The following PPM1A variants were observed in gnomAD, a reference collection of about 807,000 sequenced individuals.
PPM1A encodes protein phosphatase, Mg2+/Mn2+ dependent 1A.
Under a neutral mutation model 35.0 loss-of-function variants are expected in PPM1A, and 7 were observed. That is an observed-to-expected ratio of 0.20 (90% CI 0.11 to 0.38). The LOEUF is 0.38. Ranked by LOEUF, PPM1A falls within the 10% of genes least tolerant of loss-of-function variation. The pLI, the probability that PPM1A is intolerant of heterozygous loss-of-function variation, is 1.00. For synonymous variants in PPM1A, 153 were observed against 167.3 expected, an observed-to-expected ratio of 0.91 and a Z score of 0.66; for missense variants, 239 against 467.8, an observed-to-expected ratio of 0.51 and a Z score of 4.51.
chr14:60,288,218 T>A, intron 3 of PPM1A: 1 of 977,352 alleles, frequency 1.0e-6, no homozygotes. Flanking sequence ...CCTGTAATTT[T>A]CTTCACAGTT....
chr14:60,255,211 G>A (rs1412738547), intron 1 of PPM1A, among the ~76,000 whole-genome samples: 7 of 131,548 alleles, frequency 5.3e-5, no homozygotes, highest in Admixed American at 4.0e-4. Context: ...TCGCTCTGTC[G>A]CCCAGGCTGG....
Position 60,293,487 on chromosome 14 carries a change from T to A in PPM1A, c.*1005T>A, listed in dbSNP as rs192420039. ...ACAACACTGTCACTCAAGGCATAGA[T>A]GAAACTTTCCTTCCATTAGAAAGAC... On this transcript the variant is annotated 3_prime_UTR_variant, in exon 6 of 6. Transcript: ENST00000395076. The surrounding 1 kb of genome is among the most constrained non-coding windows in gnomAD (Gnocchi z 4.0). 23 of 152,172 alleles carry A rather than the reference T, an allele frequency of 1.5e-4. No individual in the cohort carries two copies. Among genetic ancestry groups the A allele is most frequent in the Middle Eastern group, 3.4e-3 (1 of 294 alleles). 9.4% of individuals were successfully genotyped at this position (152,172 alleles called of 1,614,324 possible). A position where few individuals can be genotyped will look rare whatever the true frequency, so the allele number is the denominator to read the frequency against.
intron 1 of PPM1A, chr14:60,256,917 A>G (rs1883202181): frequency 1.3e-5 from 2 of 152,190 alleles, no homozygotes; most frequent in South Asian, 2.1e-4. Flanking sequence ...CATGAAGGGT[A>G]TGACTGTTGT....
chr14:60,275,026 G>C (rs1374648648), intron 1 of PPM1A, among the ~76,000 whole-genome samples: 1 of 148,438 alleles, frequency 6.7e-6, no homozygotes, highest in Non-Finnish European at 1.5e-5. Context: ...TTCAGTCCCA[G>C]ACAAAAAAGA....
chr14:60,292,023 C>G lies in PPM1A; in HGVS notation c.1120-430C>G, dbSNP rs773004457. 2.0e-5 allele frequency among the ~76,000 whole-genome samples: 3 copies of G among 152,082 alleles called. No homozygotes were observed. The highest frequency in any genetic ancestry group is 2.9e-5 in the Non-Finnish European group (2 of 68,004). The stretch of plus-strand genomic sequence containing the variant: ...TATGATGTTTATAGAAAAGTGATAA[C>G]TTAAAGATCATGTGGGCACAGCTCT... On this transcript the variant is annotated intron_variant, in intron 5 of 5. Coordinates refer to ENST00000395076, the MANE Select transcript of PPM1A (RefSeq NM_021003.5). This position sits in a 1 kb window ranked among gnomAD's most constrained non-coding sequence, Gnocchi z 4.2.
chr14:60,262,709 C>A (rs1385018172), intron 1 of PPM1A, among the ~76,000 whole-genome samples: 1 of 151,896 alleles, frequency 6.6e-6, no homozygotes, highest in South Asian at 2.1e-4. Context: ...ACAAAAAAAC[C>A]CTTCTACCTC....
chr14:60,283,117 T>C lies in PPM1A; in HGVS notation c.414T>C (p.His138=), dbSNP rs1485964099. 13 of 1,614,106 alleles carry C rather than the reference T, an allele frequency of 8.1e-6. No homozygotes were observed. Among genetic ancestry groups the C allele is most frequent in the Non-Finnish European group, 1.1e-5 (13 of 1,180,032 alleles). The stretch of plus-strand genomic sequence containing the variant: ...TAGGTGTCTTAATTTCTCCCCAACA[T>C]ACTTATTTCATTAACTGTGGAGACT... ...TAVGVLISPQ[H]TYFINCGDSR... The change falls in exon 2 of 6, where the codon CAT becomes CAC. Residue 138 remains histidine (H), a synonymous_variant. Coordinates refer to ENST00000395076, the MANE Select transcript of PPM1A (RefSeq NM_021003.5). This position sits in a 1 kb window ranked among gnomAD's most constrained non-coding sequence, Gnocchi z 6.3.
At chr14:60,291,925 T>TA (rs1887676324) in intron 5 of PPM1A, among the ~76,000 whole-genome samples, 1 of 152,048 alleles carries the variant, frequency 6.6e-6, no homozygotes, top group Non-Finnish European at 1.5e-5. Context: ...ACTTAAATAT[T>TA]AGAGAATTGT....
At chr14:60,276,020 A>G (rs966012187) in intron 1 of PPM1A, among the ~76,000 whole-genome samples, 7 of 152,248 alleles carry the variant, frequency 4.6e-5, no homozygotes, top group African/African-American at 1.4e-4. Context: ...CTTTATAGAG[A>G]TGTAGCTGCA....
chr14:60,262,814 A>T (rs1883907083), intron 1 of PPM1A, among the ~76,000 whole-genome samples: 1 of 152,248 alleles, frequency 6.6e-6, no homozygotes, highest in African/African-American at 2.4e-5. Flanking sequence ...AACAAGACTA[A>T]GCTGTGCTGC....
chr14:60,265,520 A>G (rs1220238040), intron 1 of PPM1A, among the ~76,000 whole-genome samples: 1 of 152,226 alleles, frequency 6.6e-6, no homozygotes, highest in Non-Finnish European at 1.5e-5. Flanking sequence ...TTGTTTGTAT[A>G]GTTAATAAAT....
At chr14:60,255,726 A>T (rs1032803902) in intron 1 of PPM1A, among the ~76,000 whole-genome samples, 2 of 152,102 alleles carry the variant, frequency 1.3e-5, no homozygotes, top group Non-Finnish European at 2.9e-5. Context: ...CCTGAATGTT[A>T]TTTTTTCTGA....
chr14:60,272,328 A>G (rs1253093164), intron 1 of PPM1A, among the ~76,000 whole-genome samples: 1 of 151,070 alleles, frequency 6.6e-6, no homozygotes, highest in Non-Finnish European at 1.5e-5. Flanking sequence ...AGTTTTTTAT[A>G]AAGATGGTAT....
In PPM1A at chr14:60,284,024, G is replaced by A. The variant is rs1345529322; in HGVS notation, c.834+487G>A. Among the ~76,000 whole-genome samples the A allele has an allele frequency of 4.6e-5, 7 of 152,328 alleles. No individual in the cohort carries two copies. In the South Asian group the frequency reaches 6.2e-4, roughly 14 times the overall value. ...ATGTAATAGAAATAGCCTTGTACAT[G>A]GAGTCAGAAGAACTTGCTCTGAGAC... On this transcript the variant is annotated intron_variant, in intron 2 of 5. Coordinates refer to ENST00000395076, the MANE Select transcript of PPM1A (RefSeq NM_021003.5).
At chr14:60,287,423 G>A (rs1004535518) in intron 3 of PPM1A, 5 of 983,744 alleles carry the variant, frequency 5.1e-6, no homozygotes, top group Non-Finnish European at 4.8e-6. Context: ...ACTGCAACTA[G>A]AGAATAAATA....
chr14:60,276,065 C>T (rs750824681), intron 1 of PPM1A, among the ~76,000 whole-genome samples: 8 of 152,116 alleles, frequency 5.3e-5, no homozygotes, highest in Non-Finnish European at 8.8e-5. Context: ...CCCAGGTATG[C>T]AGTATATTGC....
Position 60,283,072 on chromosome 14 carries a change from T to G in PPM1A, c.369T>G (p.Asp123Glu), listed in dbSNP as rs1345902102. ...TGTCAGAGAAGAAACATGGTGCAGA[T>G]AGAAGTGGGTCAACAGCTGTAGGTG... ...RVMSEKKHGA[D>E]RSGSTAVGVL... is the part of the protein sequence containing the mutation. The change falls in exon 2 of 6, where the codon GAT becomes GAG. Residue 123 changes from aspartate (D) to glutamate (E), a missense_variant. Physicochemically the swap from Asp to Glu is conservative, Grantham distance 45 (BLOSUM62 2). Transcript: ENST00000395076. This position sits in a 1 kb window ranked among gnomAD's most constrained non-coding sequence, Gnocchi z 6.3. 6.2e-7 allele frequency: 1 copy of G among 1,614,254 alleles called. No individual in the cohort carries two copies.
In PPM1A at chr14:60,295,076, G is replaced by A. The variant is rs1566614290; in HGVS notation, c.*2594G>A. On this transcript the variant is annotated 3_prime_UTR_variant, in exon 6 of 6. Transcript: ENST00000395076. The stretch of plus-strand genomic sequence containing the variant: ...GTGCTAATTAGCATCTCAGGGCAAT[G>A]CCTCAAAAATGTTTGATGTGTTCTG... The A allele has an allele frequency of 6.6e-6, 1 of 151,582 alleles. No individual in the cohort carries two copies. Among genetic ancestry groups the A allele is most frequent in the African/African-American group, 2.4e-5 (1 of 41,344 alleles). The allele number at this position is 151,582 out of a possible 1,614,324, so 9.4% of individuals were successfully genotyped here. A position where few individuals can be genotyped will look rare whatever the true frequency, so the allele number is the denominator to read the frequency against.
chr14:60,250,479 G>A (rs1270136241), intron 1 of PPM1A: 1 of 964,084 alleles, frequency 1.0e-6, no homozygotes, highest in Non-Finnish European at 1.2e-6. Flanking sequence ...TTCATCACCT[G>A]AGGTATTTTT....
Sources: gnomAD v4.1 joint callset for allele counts (sites outside exome capture counted in the v4.1 genomes callset) on GRCh38, gnomAD v4.1.1 for gene constraint, Gnocchi (gnomAD v3.1) non-coding constraint, MANE v1.5 for transcripts, NCBI Gene and HGNC (gene_info 2026-07-23, HGNC 2026-07-21) for gene names.